The following OR2V2 variants were observed in gnomAD, a reference collection of about 807,000 sequenced individuals.
OR2V2 encodes olfactory receptor family 2 subfamily V member 2, also known as olfactory receptor 2V2.
For missense variants in OR2V2, 392 were observed against 392.2 expected (o/e 1.00, Z 0.00); for synonymous variants, 161 against 151.3 (o/e 1.06, Z -0.47).
At chr5:181,148,095 T>C (rs9329121) in intron 1 of OR2V2, 100 bp downstream of exon 1, 82,791 of 396,682 alleles carry the variant, frequency 0.21, 9,980 homozygotes, top group African/African-American at 0.4. Flanking sequence ...TCAGCACTTG[T>C]TCTTCCTCCT....
At chr5:181,152,506 G>A (rs1488109894) in intron 1 of OR2V2, among the ~76,000 whole-genome samples, 12 of 152,172 alleles carry the variant, frequency 7.9e-5, no homozygotes, top group Admixed American at 3.3e-4. Flanking sequence ...ACAGGTGGAC[G>A]CACACTCTCC....
chr5:181,148,532 C>G (rs1454819839), intron 1 of OR2V2, among the ~76,000 whole-genome samples: 4 of 152,222 alleles, frequency 2.6e-5, no homozygotes, highest in African/African-American at 9.6e-5. Context: ...CAGTGAGATG[C>G]AAGAATAAAT....
At chr5:181,153,308 T>C (rs1278024480) in intron 1 of OR2V2, among the ~76,000 whole-genome samples, 3 of 152,226 alleles carry the variant, frequency 2.0e-5, no homozygotes, top group Non-Finnish European at 4.4e-5. Context: ...TCTTTTTTAA[T>C]ATACATGATG....
Position 181,158,738 on chromosome 5 carries a change from A to G in OR2V2, c.*2848A>G, listed in dbSNP as rs1763297772. ...GCCAGGGGACATGGGAGTTTTTGTT[A>G]CTTGCTTCACTTTTGTGTATGCCTG... On this transcript the variant is annotated 3_prime_UTR_variant, in exon 2 of 2. Transcript: ENST00000641492. The G allele has an allele frequency of 6.6e-6, 1 of 152,222 alleles. No homozygotes were observed. Among genetic ancestry groups the G allele is most frequent in the Non-Finnish European group, 1.5e-5 (1 of 68,036 alleles). The allele number at this position is 152,222 out of a possible 1,614,324, so 9.4% of individuals were successfully genotyped here.
At position 181,155,860 on chromosome 5, in the gene OR2V2, G is replaced by A; in HGVS notation, c.918G>A (p.Leu306=). ...REVMGALRKG[L]DRCRIGSQH is the part of the protein sequence containing the mutation. ...TGATGGGGGCACTGAGGAAGGGGCT[G>A]GACCGCTGCAGGATCGGCAGCCAGC... Residue 306 remains leucine, a synonymous_variant, in exon 2 of 2, where the codon CTG becomes CTA. Transcript: ENST00000641492. 1.9e-6 allele frequency: 3 copies of A among 1,614,066 alleles called. No homozygotes were observed. In the Admixed American group the frequency reaches 5.0e-5, roughly 27 times the overall value.
chr5:181,153,531 A>G (rs911444268), intron 1 of OR2V2, among the ~76,000 whole-genome samples: 7 of 152,064 alleles, frequency 4.6e-5, no homozygotes, highest in Admixed American at 3.3e-4. Context: ...TAATAAAAAC[A>G]GAAAAAAAAA....
chr5:181,149,484 C>T (rs1582194613), intron 1 of OR2V2, among the ~76,000 whole-genome samples: 1 of 152,216 alleles, frequency 6.6e-6, no homozygotes, highest in East Asian at 1.9e-4. Context: ...ATGCTGAGTA[C>T]ACAGCGGGTG....
At chr5:181,153,105 T>C (rs1217251251) in intron 1 of OR2V2, among the ~76,000 whole-genome samples, 4 of 151,842 alleles carry the variant, frequency 2.6e-5, no homozygotes, top group African/African-American at 4.8e-5. Context: ...AAATGAGAAA[T>C]AGAACATGAA....
At chr5:181,149,520 T>A (rs1192757904) in intron 1 of OR2V2, among the ~76,000 whole-genome samples, 3 of 152,196 alleles carry the variant, frequency 2.0e-5, no homozygotes, top group African/African-American at 7.2e-5. Context: ...AAAGAAGCCA[T>A]CCCGGATAGG....
At chr5:181,154,805 G>T (rs182413065) in intron 1 of OR2V2, 114 bp from the exon 2 acceptor site, 2 of 678,648 alleles carry the variant, frequency 2.9e-6, no homozygotes, top group Admixed American at 2.5e-5. Context: ...ATGTCCCAAA[G>T]CTTCAGTTGT....
chr5:181,152,559 C>T (rs1431906646), intron 1 of OR2V2, among the ~76,000 whole-genome samples: 6 of 152,222 alleles, frequency 3.9e-5, no homozygotes, highest in East Asian at 3.8e-4. Flanking sequence ...TTAGTGTAAA[C>T]ACAATTCCCC....
chr5:181,154,776 A>G, intron 1 of OR2V2, 143 bp from the exon 2 acceptor site: 1 of 622,058 alleles, frequency 1.6e-6, no homozygotes, highest in Non-Finnish European at 2.9e-6. Context: ...TGTTAGGGAG[A>G]TATGGAGTGT....
chr5:181,153,150 C>T (rs963347946), intron 1 of OR2V2, among the ~76,000 whole-genome samples: 9 of 152,130 alleles, frequency 5.9e-5, no homozygotes, highest in East Asian at 1.9e-4. Context: ...CCTTGGAGGG[C>T]GAAGACAAGG....
intron 1 of OR2V2, among the ~76,000 whole-genome samples, chr5:181,154,130 T>A (rs1763225704): frequency 6.6e-6 from 1 of 151,956 alleles, no homozygotes; most frequent in Non-Finnish European, 1.5e-5. Flanking sequence ...CATAATAGAG[T>A]GGTAAGCATG....
rs1763277353 is a variant in OR2V2 at position 181,157,229 on chromosome 5, T to G, written c.*1339T>G. On this transcript the variant is annotated 3_prime_UTR_variant, in exon 2 of 2. Coordinates refer to ENST00000641492, the MANE Select transcript of OR2V2 (RefSeq NM_206880.2). ...CCAGAACTGGTCCTGAGGATTAGAC[T>G]AAACCCCAGGGAGGTGTTTGCTGGG... 6.6e-6 allele frequency: 1 copy of G among 152,282 alleles called. No homozygotes were observed. The allele number at this position is 152,282 out of a possible 1,614,324, so 9.4% of individuals were successfully genotyped here.
At chr5:181,150,355 C>T (rs1763177946) in intron 1 of OR2V2, among the ~76,000 whole-genome samples, 1 of 152,168 alleles carries the variant, frequency 6.6e-6, no homozygotes, top group Non-Finnish European at 1.5e-5. Flanking sequence ...CCTGAATACA[C>T]CTGCATGCAA....
rs569053922 is a variant in OR2V2 at position 181,152,327 on chromosome 5, C to T, written c.-24-2592C>T. 2.0e-5 allele frequency among the ~76,000 whole-genome samples: 3 copies of T among 152,310 alleles called. No homozygotes were observed. In the South Asian group the frequency reaches 6.2e-4, roughly 32 times the overall value. ...ATCAGGCTGTTCCTGGGGAAAATAT[C>T]CTGAGGGGGTAAGCCGCCTTATCTT... On this transcript the variant is annotated intron_variant, in intron 1 of 1. Transcript: ENST00000641492.
At position 181,156,059 on chromosome 5, in the gene OR2V2, T is replaced by TTTCTTTCTTTCTTTC. The variant is rs1434003005; in HGVS notation, c.*183_*184insCTTCTTTCTTTCTTT. The TTTCTTTCTTTCTTTC allele has an allele frequency of 1.2e-4, 64 of 551,302 alleles. No homozygotes were observed. Among genetic ancestry groups the TTTCTTTCTTTCTTTC allele is most frequent in the African/African-American group, 1.1e-3 (57 of 52,096 alleles). The allele number at this position is 551,302 out of a possible 1,614,324, so 34.2% of individuals were successfully genotyped here. A position where few individuals can be genotyped will look rare whatever the true frequency, so the allele number is the denominator to read the frequency against. ...CATCAGTTCTTTCTTTCTTTCTTTC[T>TTTCTTTCTTTCTTTC]TTCTTTCTTTCTTTTGTTCTTTCTT... On this transcript the variant is annotated 3_prime_UTR_variant, in exon 2 of 2. Transcript: ENST00000641492.
intron 1 of OR2V2, among the ~76,000 whole-genome samples, chr5:181,154,249 C>T (rs897726856): frequency 1.3e-5 from 2 of 152,138 alleles, no homozygotes; most frequent in Admixed American, 6.5e-5. Flanking sequence ...GAAATGGTCC[C>T]GGCCCCGTTA....
Sources: allele counts gnomAD v4.1 joint callset (sites outside exome capture counted in the v4.1 genomes callset), GRCh38; gene constraint gnomAD v4.1.1; transcripts MANE v1.5; gene names NCBI Gene and HGNC (gene_info 2026-07-23, HGNC 2026-07-21).